The following SUN1 variants were observed in gnomAD, a reference collection of about 807,000 sequenced individuals.
SUN1 encodes SUN domain-containing protein 1.
In SUN1, 61 loss-of-function variants were observed where a neutral mutation model predicts 103.2. That is an observed-to-expected ratio of 0.59 (90% CI 0.48 to 0.73). The LOEUF is 0.73. Ranked by LOEUF, SUN1 falls within the 30% of genes least tolerant of loss-of-function variation. The probability of loss-of-function intolerance (pLI) is 0.00; values close to 1 mark genes in which losing one functional copy is unlikely to be tolerated. For missense variants in SUN1, 1,052 were observed against 1,034.6 expected (o/e 1.02, Z -0.23); for synonymous variants, 490 against 425.7 (o/e 1.15, Z -1.86).
At chr7:829,437 G>C (rs979420187), upstream of SUN1, among the ~76,000 whole-genome samples, 6 of 152,238 alleles carry the variant, frequency 3.9e-5, no homozygotes, top group Non-Finnish European at 7.3e-5. Flanking sequence ...GCTCCCGCCT[G>C]CTGGCTGAGT....
At chr7:821,158 C>CTGTTTTT (rs1785531268) in intron 1 of SUN1, among the ~76,000 whole-genome samples, 1 of 68,978 alleles carries the variant, frequency 1.4e-5, no homozygotes, top group Non-Finnish European at 2.8e-5. Flanking sequence ...TTCAGCACAT[C>CTGTTTTT]TTTTTTTTTT....
intron 2 of SUN1, 110 bp downstream of exon 2, chr7:839,096 T>C: frequency 8.8e-7 from 1 of 1,137,896 alleles, no homozygotes; most frequent in Non-Finnish European, 1.2e-6. Context: ...TAAGGATATG[T>C]GTGTGTATGT....
intron 1 of SUN1, among the ~76,000 whole-genome samples, chr7:824,431 G>A (rs1386390087): frequency 1.3e-5 from 2 of 152,292 alleles, no homozygotes; most frequent in African/African-American, 4.8e-5. Context: ...TGGTTATAAG[G>A]AAATTCTGTG....
chr7:844,246 C>CT (rs1812977420), intron 5 of SUN1, among the ~76,000 whole-genome samples: 1 of 152,208 alleles, frequency 6.6e-6, no homozygotes. Flanking sequence ...CCCAGGATCT[C>CT]TCTCACCTGC....
intron 3 of SUN1, 120 bp from the exon 4 acceptor site, chr7:843,086 G>A (rs1379316667): frequency 1.4e-6 from 2 of 1,406,334 alleles, no homozygotes; most frequent in Non-Finnish European, 2.0e-6. Context: ...ACTGTGACCA[G>A]TGCCATAATG....
At chr7:854,644 G>A (rs771175960) in intron 10 of SUN1, among the ~76,000 whole-genome samples, 5 of 152,258 alleles carry the variant, frequency 3.3e-5, no homozygotes, top group Non-Finnish European at 5.9e-5. Context: ...TCAGGAGGCC[G>A]AGGCGGGAGG....
At chr7:845,067 A>G (rs10281779) in intron 5 of SUN1, among the ~76,000 whole-genome samples, 69,300 of 152,116 alleles carry the variant, frequency 0.46, 15,894 homozygotes, top group East Asian at 0.51. Flanking sequence ...ACACTCTACT[A>G]TGGCAGAATA....
At chr7:870,198 C>T (rs1460264915) in intron 17 of SUN1, among the ~76,000 whole-genome samples, 1 of 107,138 alleles carries the variant, frequency 9.3e-6, no homozygotes, top group Non-Finnish European at 1.9e-5. Context: ...GAGTGAGACC[C>T]TGTCTTTAAA....
In SUN1 at chr7:851,607, C is replaced by G. The variant is rs572003889; in HGVS notation, c.757+125C>G. 93 of 847,582 alleles carry G rather than the reference C, an allele frequency of 1.1e-4. No homozygotes were observed. In the East Asian group the frequency reaches 2.4e-3, roughly 22 times the overall value. The allele number at this position is 847,582 out of a possible 1,614,324, so 52.5% of individuals were successfully genotyped here. A position where few individuals can be genotyped will look rare whatever the true frequency, so the allele number is the denominator to read the frequency against. On this transcript the variant is annotated intron_variant, in intron 6 of 18. Coordinates refer to ENST00000401592, the MANE Select transcript of SUN1 (RefSeq NM_001130965.3). ...TCTCATGCTTTGACCCTTGGCGTAA[C>G]GTGTCTCGTTCTTTATGACGTAGCA...
intron 17 of SUN1, among the ~76,000 whole-genome samples, chr7:870,733 G>T (rs1452199677): frequency 6.6e-6 from 1 of 151,950 alleles, no homozygotes; most frequent in East Asian, 1.9e-4. Context: ...TCCCTTTTCC[G>T]CTTCCCTGTG....
In SUN1 at chr7:856,366, G is replaced by T; in HGVS notation, c.1359G>T (p.Gln453His). ...TTTCTCATACTTTTTAGGCCATCCA[G>T]AAGGAACTAGAACAGACCAAGCAAA... Reference protein sequence around the residue: ...GKLREKSEAIQKELEQTKQKT... With the variant: ...GKLREKSEAIHKELEQTKQKT... Residue 453 changes from glutamine (Q) to histidine (H), a missense_variant, in exon 12 of 19, where the codon CAG becomes CAT. Physicochemically the swap from Gln to His is conservative, Grantham distance 24. Transcript: ENST00000401592. 1 of 1,614,126 alleles carries T rather than the reference G, an allele frequency of 6.2e-7. No individual in the cohort carries two copies. Among genetic ancestry groups the T allele is most frequent in the Non-Finnish European group, 8.5e-7 (1 of 1,179,990 alleles).
rs1562835570 is a variant in SUN1 at position 869,457 on chromosome 7, C to T, written c.2089C>T (p.Pro697Ser). 2 of 1,613,914 alleles carry T rather than the reference C, an allele frequency of 1.2e-6. No individual in the cohort carries two copies. Among genetic ancestry groups the T allele is most frequent in the Admixed American group, 1.7e-5 (1 of 60,010 alleles). The change falls in exon 17 of 19, where the codon CCT becomes TCT. Residue 697 changes from proline (P) to serine (S), a missense_variant. By Grantham distance (74) the Pro-to-Ser change is moderately conservative. Around this residue, in one of 2 missense-constraint regions of SUN1, gnomAD observed 206 missense variants for 260.1 expected, o/e 0.79. Coordinates refer to ENST00000401592, the MANE Select transcript of SUN1 (RefSeq NM_001130965.3). Reference protein sequence around the residue: ...HPAAFTLEHIPKTLSPTGNIS... With the variant: ...HPAAFTLEHISKTLSPTGNIS... ...AGCCGCCTTCACTCTGGAGCACATC[C>T]CTAAGACGCTGTCGCCAACAGGCAA...
chr7:826,242 TAAGA>T (rs1349984177), intron 1 of SUN1, among the ~76,000 whole-genome samples: 4 of 147,708 alleles, frequency 2.7e-5, no homozygotes, highest in Admixed American at 6.8e-5. Flanking sequence ...AATACATACA[TAAGA>T]AAGAAAGAAC....
Position 871,271 on chromosome 7 carries a change from C to T in SUN1, c.2149-1199C>T, listed in dbSNP as rs559977935. Among the ~76,000 whole-genome samples the T allele has an allele frequency of 5.0e-4, 76 of 152,180 alleles. No homozygotes were observed. In the Middle Eastern group the frequency reaches 0.014, roughly 27 times the overall value. ...CATTTACCTTTTGGGATCTTAGTTT[C>T]CTTATGAATATTTGAGCTTTTTAGT... On this transcript the variant is annotated intron_variant, in intron 17 of 18. Coordinates refer to ENST00000401592, the MANE Select transcript of SUN1 (RefSeq NM_001130965.3).
In SUN1 at chr7:843,077, CTG is replaced by C. The variant is rs1352136653; in HGVS notation, c.452-126_452-125del. 8.2e-6 allele frequency: 11 copies of C among 1,337,294 alleles called. No individual in the cohort carries two copies. In the African/African-American group the frequency reaches 1.3e-4, roughly 16 times the overall value. 82.8% of individuals were successfully genotyped at this position (1,337,294 alleles called of 1,614,324 possible). A position where few individuals can be genotyped will look rare whatever the true frequency, so the allele number is the denominator to read the frequency against. On this transcript the variant is annotated intron_variant, in intron 3 of 18. Transcript: ENST00000401592. Reference sequence around the variant, plus strand: ...ATCTGGAGGCATTTTAGGAAATAAACTGTGACCAGTGCCATAATGCTGATTTA... The same window carrying C: ...ATCTGGAGGCATTTTAGGAAATAAACTGACCAGTGCCATAATGCTGATTTA...
chr7:815,846 C>T, upstream of SUN1: 1 of 207,034 alleles, frequency 4.8e-6, no homozygotes, highest in Non-Finnish European at 1.0e-5. Flanking sequence ...AGCGCCTGCG[C>T]ACGCCCGGAG....
At chr7:829,374 C>T (rs1324227265), upstream of SUN1, among the ~76,000 whole-genome samples, 2 of 152,128 alleles carry the variant, frequency 1.3e-5, no homozygotes, top group Non-Finnish European at 2.9e-5. Context: ...GAGCTGGTCT[C>T]AGAACCATGC....
At chr7:827,892 T>A (rs1265524952), upstream of SUN1, among the ~76,000 whole-genome samples, 2 of 152,114 alleles carry the variant, frequency 1.3e-5, no homozygotes, top group Non-Finnish European at 2.9e-5. Context: ...TAGTATAACT[T>A]ACGTAGTTTT....
chr7:874,107 T>C lies in SUN1; in HGVS notation c.*776T>C, dbSNP rs958779846. The C allele has an allele frequency of 6.6e-6, 1 of 152,212 alleles. No individual in the cohort carries two copies. Among genetic ancestry groups the C allele is most frequent in the African/African-American group, 2.4e-5 (1 of 41,434 alleles). 9.4% of individuals were successfully genotyped at this position (152,212 alleles called of 1,614,324 possible). A position where few individuals can be genotyped will look rare whatever the true frequency, so the allele number is the denominator to read the frequency against. Reference sequence around the variant, plus strand: ...AGTAAACAGAAACCCAAAAATCTCATCTTGGGTGTTTTCAGGGCTTGTTTT... The same window carrying C: ...AGTAAACAGAAACCCAAAAATCTCACCTTGGGTGTTTTCAGGGCTTGTTTT... On this transcript the variant is annotated 3_prime_UTR_variant, in exon 19 of 19. Transcript: ENST00000401592.
Sources: allele counts gnomAD v4.1 joint callset (sites outside exome capture counted in the v4.1 genomes callset), GRCh38; gene constraint gnomAD v4.1.1; regional missense constraint gnomAD v4.1.1; transcripts MANE v1.5; gene names NCBI Gene and HGNC (gene_info 2026-07-23, HGNC 2026-07-21).